The following OTOG variants were observed in gnomAD, a reference collection of about 807,000 sequenced individuals.
OTOG encodes the protein otogelin.
OTOG carries 296 observed loss-of-function variants against 313.8 expected under a neutral mutation model. That is an observed-to-expected ratio of 0.94 (90% CI 0.86 to 1.04). The LOEUF is 1.04. Ranked by LOEUF, OTOG falls within the 50% of genes least tolerant of loss-of-function variation. The pLI, the probability that OTOG is intolerant of heterozygous loss-of-function variation, is 0.00. For synonymous variants in OTOG, 1,533 were observed against 1,554.9 expected (o/e 0.99, Z 0.33); for missense variants, 3,948 against 3,840.1 (o/e 1.03, Z -0.74).
chr11:17,550,554 T>G (rs151002211), intron 3 of OTOG, among the ~76,000 whole-genome samples: 17 of 152,354 alleles, frequency 1.1e-4, no homozygotes, highest in African/African-American at 4.1e-4. Flanking sequence ...TGGCTTTGAC[T>G]CTTTGCATCA....
intron 24 of OTOG, among the ~76,000 whole-genome samples, chr11:17,591,067 G>A (rs916946817): frequency 2.6e-5 from 4 of 152,134 alleles, no homozygotes; most frequent in African/African-American, 9.7e-5. Flanking sequence ...GAGGCAGACG[G>A]TTTTCTTTTT....
chr11:17,553,576 C>A, intron 6 of OTOG, 57 bp downstream of exon 6: 2 of 1,357,566 alleles, frequency 1.5e-6, no homozygotes, highest in Non-Finnish European at 1.9e-6. Context: ...CTGGAGGCTG[C>A]ACTGGCCTGG....
In OTOG at chr11:17,632,140, AGCAGCCCT is replaced by A; in HGVS notation, c.6989_6996del (p.Gln2330ArgfsTer23). ...TGGATCCGGGACACCAAGTACGTGC[AGCAGCCCT>A]GCGTGGCCCTGACTGTGTACGTGGC... On this transcript the variant is annotated frameshift_variant, in exon 42 of 56. Transcript: ENST00000399397. LOFTEE classifies it high-confidence loss of function. 1 of 1,551,080 alleles carries A rather than the reference AGCAGCCCT, an allele frequency of 6.4e-7. No homozygotes were observed. Among genetic ancestry groups the A allele is most frequent in the Non-Finnish European group, 8.7e-7 (1 of 1,147,012 alleles).
At chr11:17,632,024 GA>G (rs1854140801) in intron 41 of OTOG, 63 bp from the exon 42 acceptor site, 11 of 1,541,512 alleles carry the variant, frequency 7.1e-6, no homozygotes, top group Non-Finnish European at 9.6e-6. Flanking sequence ...GCAGGGAGGG[GA>G]GGAGCTGGGC....
chr11:17,631,665 A>T, intron 40 of OTOG, 37 bp from the exon 41 acceptor site: 1 of 1,497,518 alleles, frequency 6.7e-7, no homozygotes, highest in Non-Finnish European at 9.1e-7. Flanking sequence ...AGTGGTAGTG[A>T]TGATCGTGGC....
Position 17,570,266 on chromosome 11 carries a change from G to C in OTOG, c.1831G>C (p.Val611Leu). Residue 611 changes from valine (V) to leucine (L), a missense_variant, in exon 17 of 56, where the codon GTG becomes CTG. Coordinates refer to ENST00000399397, the MANE Select transcript of OTOG (RefSeq NM_001292063.2). ...SSVFLRVRTN[V>L]GVRVLYDREG... ...CGTGTTCCTGCGGGTGAGGACGAACGTGGGCGTGCGGGTGCTCTACGACCG... is the reference window on the plus strand; with the variant it reads ...CGTGTTCCTGCGGGTGAGGACGAACCTGGGCGTGCGGGTGCTCTACGACCG... 3 of 1,550,868 alleles carry C rather than the reference G, an allele frequency of 1.9e-6. No homozygotes were observed. The highest frequency in any genetic ancestry group is 2.4e-5 in the East Asian group (1 of 40,916).
At chr11:17,585,429 C>G (rs1227825269) in intron 23 of OTOG, among the ~76,000 whole-genome samples, 3 of 152,096 alleles carry the variant, frequency 2.0e-5, no homozygotes, top group Non-Finnish European at 2.9e-5. Flanking sequence ...AGGGGTTTGT[C>G]AATTTTATTG....
intron 51 of OTOG, among the ~76,000 whole-genome samples, 167 bp downstream of exon 51, chr11:17,641,258 G>T (rs564168530): frequency 6.6e-6 from 1 of 152,306 alleles, no homozygotes; most frequent in Non-Finnish European, 1.5e-5. Flanking sequence ...GGACTAGGTT[G>T]GGAGAGGCCA....
intron 40 of OTOG, 131 bp from the exon 41 acceptor site, chr11:17,631,571 C>T (rs192159736): frequency 2.7e-5 from 20 of 751,230 alleles, no homozygotes; most frequent in Middle Eastern, 2.4e-4. Context: ...CACCTAATTT[C>T]CCTCACCTAT....
intron 9 of OTOG, 47 bp from the exon 10 acceptor site, chr11:17,558,491 T>G: frequency 6.5e-7 from 1 of 1,544,416 alleles, no homozygotes. Flanking sequence ...TGGGGCTGTG[T>G]GTGGCTTTGC....
intron 17 of OTOG, 194 bp downstream of exon 17, chr11:17,570,584 G>C: frequency 1.7e-6 from 1 of 573,770 alleles, no homozygotes. Flanking sequence ...TCTATGTGTG[G>C]AATCACCTCA....
At chr11:17,631,297 A>G (rs1854116075) in intron 40 of OTOG, among the ~76,000 whole-genome samples, 1 of 151,392 alleles carries the variant, frequency 6.6e-6, no homozygotes. Flanking sequence ...TAGAACTTGC[A>G]AAGACAGTAT....
At position 17,561,684 on chromosome 11, in the gene OTOG, C is replaced by G. The variant is rs1405963851; in HGVS notation, c.1521C>G (p.Asp507Glu). 1 of 1,550,544 alleles carries G rather than the reference C, an allele frequency of 6.4e-7. No individual in the cohort carries two copies. The highest frequency in any genetic ancestry group is 2.4e-5 in the East Asian group (1 of 40,900). ...CAGCTGAGTGCTCAGTGACTGGTGACATTCACTTCACAACCTTTGATGGCC... is the reference window on the plus strand; with the variant it reads ...CAGCTGAGTGCTCAGTGACTGGTGAGATTCACTTCACAACCTTTGATGGCC... ...VCPAECSVTG[D>E]IHFTTFDGRR... is the part of the protein sequence containing the mutation. The change falls in exon 15 of 56, where the codon GAC (aspartate) becomes GAG (glutamate). Residue 507 changes from aspartate to glutamate, a missense_variant. By Grantham distance (45) the Asp-to-Glu change is conservative. Coordinates refer to ENST00000399397, the MANE Select transcript of OTOG (RefSeq NM_001292063.2).
At chr11:17,562,049 ATATATATAT>A (rs1852201255) in intron 15 of OTOG, among the ~76,000 whole-genome samples, 3 of 117,316 alleles carry the variant, frequency 2.6e-5, no homozygotes, top group African/African-American at 1.2e-4. Flanking sequence ...AAAAAAAAAT[ATATATATAT>A]ATATATATAT....
chr11:17,624,848 GT>G (rs1474184234), intron 39 of OTOG, among the ~76,000 whole-genome samples: 2 of 152,078 alleles, frequency 1.3e-5, no homozygotes, highest in Non-Finnish European at 2.9e-5. Flanking sequence ...GTGTTTTGTA[GT>G]TCTCCTTGTA....
In OTOG at chr11:17,645,958, G is replaced by A. The variant is rs139847396; in HGVS notation, c.*14G>A. The A allele has an allele frequency of 4.5e-5, 70 of 1,546,390 alleles. No homozygotes were observed. Among genetic ancestry groups the A allele is most frequent in the African/African-American group, 4.0e-4 (29 of 73,168 alleles). On this transcript the variant is annotated 3_prime_UTR_variant, in exon 56 of 56. Coordinates refer to ENST00000399397, the MANE Select transcript of OTOG (RefSeq NM_001292063.2). ...CAGTGGTCCTGAGGCCTGGGGGCCC[G>A]GGCTAGCTGGACCACCTCTGCCAGC...
chr11:17,634,278 T>A lies in OTOG; in HGVS notation c.7477T>A (p.Cys2493Ser). 6.5e-7 allele frequency: 1 copy of A among 1,549,958 alleles called. No individual in the cohort carries two copies. Among genetic ancestry groups the A allele is most frequent in the South Asian group, 1.2e-5 (1 of 84,034 alleles). Reference protein sequence around the residue: ...TKDPCCLGTVCVCNQTLCEGL... With the variant: ...TKDPCCLGTVSVCNQTLCEGL... The stretch of plus-strand genomic sequence containing the variant: ...GGACCCCTGCTGCCTGGGGACTGTC[T>A]GTGGTGAGTGTCCACCTTCACTTCC... Residue 2493 changes from cysteine to serine, a missense_variant, in exon 44 of 56, where the codon TGT (cysteine) becomes AGT (serine). Coordinates refer to ENST00000399397, the MANE Select transcript of OTOG (RefSeq NM_001292063.2).
intron 16 of OTOG, 48 bp from the exon 17 acceptor site, chr11:17,570,165 T>G: frequency 6.7e-7 from 1 of 1,484,926 alleles, no homozygotes; most frequent in Non-Finnish European, 9.2e-7. Context: ...GTGGGCGGGG[T>G]GTGTACTGGC....
chr11:17,616,164 TC>T (rs1203718976), intron 39 of OTOG, among the ~76,000 whole-genome samples: 1 of 151,840 alleles, frequency 6.6e-6, no homozygotes, highest in Non-Finnish European at 1.5e-5. Context: ...GGCTCAGCAA[TC>T]CCCCCACCTC....
Sources: allele counts gnomAD v4.1 joint callset (sites outside exome capture counted in the v4.1 genomes callset), GRCh38; gene constraint gnomAD v4.1.1; transcripts MANE v1.5; gene names NCBI Gene and HGNC (gene_info 2026-07-23, HGNC 2026-07-21).